MGMT: variants seen among roughly 807,000 people sequenced by gnomAD.
The protein encoded by MGMT is O-6-methylguanine-DNA methyltransferase.
Under a neutral mutation model 15.9 loss-of-function variants are expected in MGMT, and 14 were observed. The ratio of observed to expected loss-of-function variants is 0.88; its 90% CI spans 0.58 to 1.37. MGMT has a LOEUF of 1.37. Ranked by LOEUF, MGMT falls within the 40% of genes most tolerant of loss-of-function variation. The probability of loss-of-function intolerance (pLI) is 0.00; values close to 1 mark genes in which losing one functional copy is unlikely to be tolerated. For synonymous variants in MGMT, 130 were observed against 118.2 expected, an observed-to-expected ratio of 1.10 and a Z score of -0.65; for missense variants, 282 against 268.1, an observed-to-expected ratio of 1.05 and a Z score of -0.36.
intron 1 of MGMT, among the ~76,000 whole-genome samples, chr10:129,490,567 C>CT (rs1287053863): frequency 2.1e-5 from 3 of 140,930 alleles, no homozygotes; most frequent in African/African-American, 4.9e-5. Flanking sequence ...TTTGCACAGT[C>CT]TATCTTTTTC....
At position 129,761,835 on chromosome 10, in the gene MGMT, C is replaced by A. The variant is rs113370796; in HGVS notation, c.414+2494C>A. Among the ~76,000 whole-genome samples, 5 of 152,316 alleles carry A rather than the reference C, an allele frequency of 3.3e-5. 1 individual carries two copies. The highest frequency in any genetic ancestry group is 1.2e-4 in the African/African-American group (5 of 41,582). ...TCTCGTGGCCTTTCTGTGGGCTCCA[C>A]CGTGTGCAGTGACCTTCAGCCTGAG... is the stretch of plus-strand genomic sequence containing the variant. On this transcript the variant is annotated intron_variant, in intron 4 of 4. Coordinates refer to ENST00000651593, the MANE Select transcript of MGMT (RefSeq NM_002412.5).
chr10:129,658,158 A>G (rs919665401), intron 2 of MGMT, among the ~76,000 whole-genome samples: 15 of 152,188 alleles, frequency 9.9e-5, no homozygotes, highest in Admixed American at 9.2e-4. Context: ...ATCCCAAGTA[A>G]GGAACTAAAA....
At position 129,659,261 on chromosome 10, in the gene MGMT, G is replaced by A. The variant is rs1411517219; in HGVS notation, c.126-48634G>A. On this transcript the variant is annotated intron_variant, in intron 2 of 4. Transcript: ENST00000651593. The surrounding 1 kb of genome is among the most constrained non-coding windows in gnomAD (Gnocchi z 4.1). ...AGTCTCAGCTACTCGGGAGGCTGAG[G>A]CAGGAGAATTGCTTGAACCTGGGAG... 6.6e-6 allele frequency among the ~76,000 whole-genome samples: 1 copy of A among 151,782 alleles called. No individual in the cohort carries two copies. Among genetic ancestry groups the A allele is most frequent in the Non-Finnish European group, 1.5e-5 (1 of 68,008 alleles).
intron 2 of MGMT, among the ~76,000 whole-genome samples, chr10:129,595,255 TC>T (rs989849711): frequency 1.3e-5 from 2 of 152,048 alleles, no homozygotes; most frequent in African/African-American, 4.8e-5. Context: ...CACGCTTAGT[TC>T]CCCCTGCCAT....
At chr10:129,652,627 G>A (rs866397309) in intron 2 of MGMT, among the ~76,000 whole-genome samples, 4 of 152,326 alleles carry the variant, frequency 2.6e-5, no homozygotes, top group East Asian at 1.9e-4. Context: ...GCTGTCCCCC[G>A]CAGTGGCTGC....
intron 2 of MGMT, among the ~76,000 whole-genome samples, chr10:129,543,041 A>G (rs1220839118): frequency 6.6e-6 from 1 of 152,204 alleles, no homozygotes; most frequent in African/African-American, 2.4e-5. Flanking sequence ...TAAAAAGACA[A>G]GACAGGAAGC....
At chr10:129,625,460 T>G (rs1847135977) in intron 2 of MGMT, among the ~76,000 whole-genome samples, 1 of 152,228 alleles carries the variant, frequency 6.6e-6, no homozygotes, top group African/African-American at 2.4e-5. Flanking sequence ...ACCCAAATTT[T>G]AAAATCCTAA....
chr10:129,478,440 G>A (rs539100084), intron 1 of MGMT, among the ~76,000 whole-genome samples: 23 of 152,174 alleles, frequency 1.5e-4, no homozygotes, highest in Admixed American at 7.9e-4. Flanking sequence ...TGAAAGCCCC[G>A]CTGGCCCACA....
At chr10:129,739,557 G>A (rs560736919) in intron 3 of MGMT, among the ~76,000 whole-genome samples, 19 of 152,206 alleles carry the variant, frequency 1.2e-4, no homozygotes, top group African/African-American at 4.3e-4. Context: ...ACACTGGGAC[G>A]AGCATCAGCC....
intron 2 of MGMT, among the ~76,000 whole-genome samples, chr10:129,638,984 C>T (rs577117813): frequency 2.6e-5 from 4 of 152,062 alleles, no homozygotes; most frequent in Middle Eastern, 6.8e-3. Flanking sequence ...AAGGTGAATA[C>T]ACAATAACAA....
chr10:129,629,965 T>C (rs1256574054), intron 2 of MGMT, among the ~76,000 whole-genome samples: 2 of 152,204 alleles, frequency 1.3e-5, no homozygotes, highest in Non-Finnish European at 2.9e-5. Flanking sequence ...GTAAATAGCA[T>C]GTCAGCCGCC....
intron 1 of MGMT, among the ~76,000 whole-genome samples, chr10:129,469,357 G>C (rs1845205278): frequency 6.6e-6 from 1 of 151,964 alleles, no homozygotes; most frequent in Admixed American, 6.5e-5. Flanking sequence ...TTTTCTTTTT[G>C]GTGCTAATGC....
chr10:129,742,383 C>T (rs1046035513), intron 3 of MGMT, among the ~76,000 whole-genome samples: 8 of 152,236 alleles, frequency 5.3e-5, no homozygotes, highest in East Asian at 3.9e-4. Flanking sequence ...AGTCCCACCT[C>T]GGTGCGCGAC....
chr10:129,624,009 C>G (rs950287533), intron 2 of MGMT, among the ~76,000 whole-genome samples: 1 of 152,244 alleles, frequency 6.6e-6, no homozygotes, highest in African/African-American at 2.4e-5. Context: ...AGGGGTCTTC[C>G]CATGTGTACC....
intron 2 of MGMT, among the ~76,000 whole-genome samples, chr10:129,662,800 A>T (rs1276285184): frequency 6.6e-6 from 1 of 152,164 alleles, no homozygotes; most frequent in Non-Finnish European, 1.5e-5. Context: ...CCAAGCAGAA[A>T]TCAGGCTAAA....
At chr10:129,657,190 G>A (rs1027148141) in intron 2 of MGMT, among the ~76,000 whole-genome samples, 1 of 152,244 alleles carries the variant, frequency 6.6e-6, no homozygotes. Context: ...TGACACAGAC[G>A]ACTGTCCCTT....
chr10:129,520,980 G>C (rs1332869520), intron 1 of MGMT, among the ~76,000 whole-genome samples: 1 of 151,034 alleles, frequency 6.6e-6, no homozygotes, highest in Non-Finnish European at 1.5e-5. Flanking sequence ...TGAGGGTGCA[G>C]AGCCCCTACG....
At chr10:129,637,652 G>C (rs1224178142) in intron 2 of MGMT, among the ~76,000 whole-genome samples, 2 of 152,096 alleles carry the variant, frequency 1.3e-5, no homozygotes, top group African/African-American at 4.8e-5. Context: ...TTTGGAGATG[G>C]GGCCTTTAAG....
At chr10:129,680,965 C>T (rs956447659) in intron 2 of MGMT, among the ~76,000 whole-genome samples, 1 of 152,214 alleles carries the variant, frequency 6.6e-6, no homozygotes, top group Non-Finnish European at 1.5e-5. Context: ...GCTGGCAGTC[C>T]TTGTACTGAG....
Sources: allele counts gnomAD v4.1 joint callset (sites outside exome capture counted in the v4.1 genomes callset), GRCh38; gene constraint gnomAD v4.1.1; non-coding constraint Gnocchi (gnomAD v3.1); transcripts MANE v1.5; gene names NCBI Gene and HGNC (gene_info 2026-07-23, HGNC 2026-07-21).